Variants in EGFR observed in about 807,000 individuals in gnomAD.
The protein encoded by EGFR is avian erythroblastic leukemia viral (v-erb-b) oncogene homolog.
In EGFR, 58 loss-of-function variants were observed where a neutral mutation model predicts 143.0. The observed-to-expected ratio is 0.41, with a 90% CI of 0.33 to 0.50. EGFR has a LOEUF of 0.50. EGFR is among the 20% of genes least tolerant of loss of function. The pLI is 0.39. For synonymous variants in EGFR, 613 were observed against 594.4 expected (o/e 1.03, Z -0.45); for missense variants, 1,307 against 1,579.0 (o/e 0.83, Z 2.92).
At chr7:55,098,248 T>C (rs996389124) in intron 1 of EGFR, among the ~76,000 whole-genome samples, 27 of 152,158 alleles carry the variant, frequency 1.8e-4, no homozygotes, top group African/African-American at 6.0e-4. Flanking sequence ...CTAAATAGCC[T>C]GTGTTTCTCC....
At position 55,200,412 on chromosome 7, in the gene EGFR, A is replaced by T. The variant is rs775131364; in HGVS notation, c.2945A>T (p.Gln982Leu). ...GACCCCCAGCGCTACCTTGTCATTC[A>T]GGTACAAATTGCAGTCTGTGCTTCC... is the stretch of plus-strand genomic sequence containing the variant. ...ARDPQRYLVI[Q>L]GDERMHLPSP... Residue 982 changes from glutamine (Q) to leucine (L), a missense_variant and splice_region_variant, in exon 24 of 28, where the codon CAG becomes CTG. Physicochemically the swap from Gln to Leu is moderately radical, Grantham distance 113 (BLOSUM62 -2). Around this residue, in one of 7 missense-constraint regions of EGFR, gnomAD observed 313 missense variants for 312.3 expected, o/e 1.00. Transcript: ENST00000275493. 3.7e-6 allele frequency: 6 copies of T among 1,613,870 alleles called. No individual in the cohort carries two copies. In the Admixed American group the frequency reaches 1.0e-4, roughly 27 times the overall value.
At chr7:55,044,887 G>T (rs1288613290) in intron 1 of EGFR, among the ~76,000 whole-genome samples, 1 of 152,230 alleles carries the variant, frequency 6.6e-6, no homozygotes, top group Non-Finnish European at 1.5e-5. Flanking sequence ...GAGGTCCACA[G>T]AGGTTCTGCG....
chr7:55,080,066 G>A (rs906280257), intron 1 of EGFR, among the ~76,000 whole-genome samples: 3 of 152,056 alleles, frequency 2.0e-5, no homozygotes, highest in Non-Finnish European at 2.9e-5. Flanking sequence ...GGTTTGAGAA[G>A]TCTGCACCAA....
At position 55,146,681 on chromosome 7, in the gene EGFR, T is replaced by C. The variant is rs765416003; in HGVS notation, c.500T>C (p.Ile167Thr). Reference protein sequence around the residue: ...CNVESIQWRDIVSSDFLSNMS... With the variant: ...CNVESIQWRDTVSSDFLSNMS... ...GTGGAGAGCATCCAGTGGCGGGACA[T>C]AGTCAGCAGTGACTTTCTCAGCAAC... Residue 167 changes from isoleucine (I) to threonine (T), a missense_variant, in exon 4 of 28, where the codon ATA becomes ACA. This residue lies in a region of EGFR where 311 missense variants were observed against 412.3 expected (regional missense o/e 0.75). Coordinates refer to ENST00000275493, the MANE Select transcript of EGFR (RefSeq NM_005228.5). 3.7e-6 allele frequency: 6 copies of C among 1,613,858 alleles called. No homozygotes were observed. Among genetic ancestry groups the C allele is most frequent in the East Asian group, 4.5e-5 (2 of 44,860 alleles).
chr7:55,179,081 GC>G (rs1415399427), intron 19 of EGFR, among the ~76,000 whole-genome samples: 5 of 152,242 alleles, frequency 3.3e-5, no homozygotes, highest in Non-Finnish European at 5.9e-5. Flanking sequence ...GCAAGTGTGT[GC>G]CGGGTGATCC....
chr7:55,131,737 G>A (rs1793849489), intron 1 of EGFR, among the ~76,000 whole-genome samples: 1 of 152,172 alleles, frequency 6.6e-6, no homozygotes, highest in African/African-American at 2.4e-5. Context: ...CGGGGGAAAA[G>A]TCCAGAGGCC....
chr7:55,023,625 C>T (rs12718938), intron 1 of EGFR, among the ~76,000 whole-genome samples: 43,387 of 143,474 alleles, frequency 0.3, 7,700 homozygotes, highest in East Asian at 0.66. Context: ...CACTCCAGCC[C>T]GCGCGACAGT....
At chr7:55,144,885 G>T (rs1216747701) in intron 3 of EGFR, among the ~76,000 whole-genome samples, 1 of 152,160 alleles carries the variant, frequency 6.6e-6, no homozygotes, top group African/African-American at 2.4e-5. Flanking sequence ...CAAAAATGTG[G>T]ATGGCATAGC....
At chr7:55,063,884 C>T (rs549954021) in intron 1 of EGFR, among the ~76,000 whole-genome samples, 1 of 152,310 alleles carries the variant, frequency 6.6e-6, no homozygotes, top group South Asian at 2.1e-4. Context: ...GAAATGAGTA[C>T]AGTCATTCTT....
chr7:55,110,453 C>T (rs532907705), intron 1 of EGFR, among the ~76,000 whole-genome samples: 2 of 152,224 alleles, frequency 1.3e-5, no homozygotes, highest in Non-Finnish European at 2.9e-5. Flanking sequence ...CCACCCCACA[C>T]ACTGGGAAAG....
intron 19 of EGFR, 157 bp from the exon 20 acceptor site, chr7:55,181,136 C>T: frequency 1.1e-6 from 1 of 918,378 alleles, no homozygotes; most frequent in Admixed American, 1.8e-5. Context: ...CGTAAACGTC[C>T]CTGTGCTAGG....
At chr7:55,191,538 C>T (rs1787393378) in intron 20 of EGFR, among the ~76,000 whole-genome samples, 181 bp from the exon 21 acceptor site, 1 of 152,182 alleles carries the variant, frequency 6.6e-6, no homozygotes, top group Admixed American at 6.5e-5. Context: ...TGGTCAGCAG[C>T]GGGTTACATC....
At chr7:55,146,553 G>A in intron 3 of EGFR, 53 bp from the exon 4 acceptor site, 1 of 1,612,102 alleles carries the variant, frequency 6.2e-7, no homozygotes, top group Non-Finnish European at 8.5e-7. Flanking sequence ...CATCCTTCAT[G>A]GGAATTTAAA....
rs1020288784 is a variant in EGFR at position 55,208,279 on chromosome 7, G to A, written c.*2662G>A. 6.6e-6 allele frequency: 1 copy of A among 152,216 alleles called. No individual in the cohort carries two copies. Among genetic ancestry groups the A allele is most frequent in the African/African-American group, 2.4e-5 (1 of 41,444 alleles). 9.4% of individuals were successfully genotyped at this position (152,216 alleles called of 1,614,324 possible). A position where few individuals can be genotyped will look rare whatever the true frequency, so the allele number is the denominator to read the frequency against. On this transcript the variant is annotated 3_prime_UTR_variant, in exon 28 of 28. Transcript: ENST00000275493. ...TGATGGGCAGGTCAGGAGAGGAGCT[G>A]CCCAAAGTCCCATGATTTTCACCTA... is the stretch of plus-strand genomic sequence containing the variant.
intron 1 of EGFR, among the ~76,000 whole-genome samples, chr7:55,123,707 G>C (rs1302214358): frequency 6.6e-6 from 1 of 152,080 alleles, no homozygotes; most frequent in Non-Finnish European, 1.5e-5. Context: ...TCAAATCCCA[G>C]TGGCAGTTTA....
Position 55,038,728 on chromosome 7 carries a change from C to CTGTG in EGFR, c.88+19375_88+19378dup, listed in dbSNP as rs3063035. Among the ~76,000 whole-genome samples, 694 of 140,064 alleles carry CTGTG rather than the reference C, an allele frequency of 5.0e-3. 1 individual carries two copies. The highest frequency in any genetic ancestry group is 8.4e-3 in the Non-Finnish European group (531 of 63,198). 91.9% of individuals were successfully genotyped at this position (140,064 alleles called of 152,430 possible). ...ATTTTATAGTAATAAATCAGTCCTCCTGTGTGTGTGTGTGTATGTGTGTGT... is the reference window on the plus strand; with the variant it reads ...ATTTTATAGTAATAAATCAGTCCTCCTGTGTGTGTGTGTGTGTGTATGTGTGTGT... On this transcript the variant is annotated intron_variant, in intron 1 of 27. Coordinates refer to ENST00000275493, the MANE Select transcript of EGFR (RefSeq NM_005228.5).
At chr7:55,175,808 T>C (rs989038597) in intron 19 of EGFR, among the ~76,000 whole-genome samples, 2 of 152,240 alleles carry the variant, frequency 1.3e-5, no homozygotes, top group African/African-American at 4.8e-5. Flanking sequence ...TAAAAATGTC[T>C]TAAGATACAA....
intron 1 of EGFR, among the ~76,000 whole-genome samples, chr7:55,091,743 TC>T (rs1791128823): frequency 6.6e-6 from 1 of 151,978 alleles, no homozygotes; most frequent in Admixed American, 6.5e-5. Flanking sequence ...GCAGGATACT[TC>T]AGCCTCAGAG....
intron 1 of EGFR, among the ~76,000 whole-genome samples, chr7:55,095,314 G>T (rs1256125738): frequency 2.0e-5 from 3 of 152,242 alleles, no homozygotes; most frequent in African/African-American, 7.2e-5. Flanking sequence ...CAGTGGGGAA[G>T]ATACTGGACT....
Sources: allele counts gnomAD v4.1 joint callset (sites outside exome capture counted in the v4.1 genomes callset), GRCh38; gene constraint gnomAD v4.1.1; regional missense constraint gnomAD v4.1.1; transcripts MANE v1.5; gene names NCBI Gene and HGNC (gene_info 2026-07-23, HGNC 2026-07-21).